The following CELF2 variants were observed in gnomAD, a reference collection of about 807,000 sequenced individuals.
The protein encoded by CELF2 is CUGBP Elav-like family member 2.
CELF2 carries 8 observed loss-of-function variants against 62.6 expected under a neutral mutation model. That is an observed-to-expected ratio of 0.13 (90% CI 0.07 to 0.23). The LOEUF (loss-of-function observed/expected upper bound fraction) is 0.23, where lower values mean the gene tolerates loss of function less well. Ranked by LOEUF, CELF2 falls within the 10% of genes least tolerant of loss-of-function variation. The probability of loss-of-function intolerance (pLI) is 1.00; values close to 1 mark genes in which losing one functional copy is unlikely to be tolerated. For missense variants in CELF2, 333 were observed against 671.0 expected (o/e 0.50, Z 5.56); for synonymous variants, 258 against 250.0 (o/e 1.03, Z -0.30).
the CELF2 span, among the ~76,000 whole-genome samples, chr10:10,471,402 G>A: frequency 6.6e-6 from 1 of 151,552 alleles, no homozygotes; most frequent in Admixed American, 6.6e-5. Flanking sequence ...TTTGTTCCAT[G>A]TATTTTGAAG....
intron 3 of CELF2, among the ~76,000 whole-genome samples, chr10:11,232,894 T>C (rs1322149315): frequency 6.6e-6 from 1 of 151,858 alleles, no homozygotes; most frequent in African/African-American, 2.4e-5. Context: ...CATCCCGGAG[T>C]CTTGTTTAGT....
intron 1 of CELF2, among the ~76,000 whole-genome samples, chr10:10,873,890 G>A (rs750833276): frequency 2.6e-5 from 4 of 152,228 alleles, no homozygotes; most frequent in South Asian, 2.1e-4. Context: ...AAGCTGATGC[G>A]GGCAGGTGGC....
At chr10:11,062,161 A>G (rs2066924373) in intron 1 of CELF2, among the ~76,000 whole-genome samples, 1 of 152,226 alleles carries the variant, frequency 6.6e-6, no homozygotes, top group African/African-American at 2.4e-5. Flanking sequence ...GGGGAAAAAA[A>G]AATTCCTTTC....
intron 1 of CELF2, among the ~76,000 whole-genome samples, chr10:10,829,496 G>T (rs1033925807): frequency 1.3e-5 from 2 of 152,050 alleles, no homozygotes; most frequent in Admixed American, 1.3e-4. Flanking sequence ...ATGACTTCCT[G>T]TAAATTTATG....
chr10:10,504,209 G>T, the CELF2 span, among the ~76,000 whole-genome samples: 1 of 151,850 alleles, frequency 6.6e-6, no homozygotes, highest in African/African-American at 2.4e-5. Context: ...TTCTTTCATG[G>T]TTTTTTTCCA....
chr10:11,172,617 G>T (rs929635922), intron 2 of CELF2, among the ~76,000 whole-genome samples: 2 of 152,160 alleles, frequency 1.3e-5, no homozygotes, highest in African/African-American at 4.8e-5. Flanking sequence ...CTATCAAAGG[G>T]CAGCGTCTGC....
the CELF2 span, among the ~76,000 whole-genome samples, chr10:10,573,108 T>C: frequency 4.6e-5 from 7 of 152,328 alleles, no homozygotes; most frequent in African/African-American, 1.4e-4. Context: ...TAATCAGTGT[T>C]GTTGAGCTTT....
At chr10:10,750,060 G>A in the CELF2 span, among the ~76,000 whole-genome samples, 5 of 152,202 alleles carry the variant, frequency 3.3e-5, no homozygotes, top group Non-Finnish European at 7.3e-5. Context: ...AAGGCGGGTG[G>A]ATCATGAGGT....
At chr10:10,879,933 A>G (rs1366055683) in intron 1 of CELF2, among the ~76,000 whole-genome samples, 1 of 152,200 alleles carries the variant, frequency 6.6e-6, no homozygotes, top group Non-Finnish European at 1.5e-5. Context: ...ATAAAACCTG[A>G]CATCTAACCT....
At chr10:10,629,622 T>C in the CELF2 span, among the ~76,000 whole-genome samples, 1 of 152,150 alleles carries the variant, frequency 6.6e-6, no homozygotes, top group Non-Finnish European at 1.5e-5. Flanking sequence ...CTTTTTGGGT[T>C]ACATAAACTG....
chr10:11,268,151 G>C lies in CELF2; in HGVS notation c.618+1474G>C, dbSNP rs1400162526. On this transcript the variant is annotated intron_variant, in intron 6 of 12. Coordinates refer to ENST00000633077, the MANE Select transcript of CELF2 (RefSeq NM_001326342.2). The surrounding 1 kb of genome is among the most constrained non-coding windows in gnomAD (Gnocchi z 4.7). ...TTACTGAGGCCGCTCCATTCCTGTG[G>C]ATTAGCCTGATTTCCAGCCACATTT... is the stretch of plus-strand genomic sequence containing the variant. Among the ~76,000 whole-genome samples the C allele has an allele frequency of 6.6e-6, 1 of 152,086 alleles. No individual in the cohort carries two copies. The highest frequency in any genetic ancestry group is 1.5e-5 in the Non-Finnish European group (1 of 67,998).
chr10:10,857,884 A>G (rs972733692), intron 1 of CELF2, among the ~76,000 whole-genome samples: 7 of 151,804 alleles, frequency 4.6e-5, no homozygotes, highest in Admixed American at 6.6e-5. Flanking sequence ...TAACAGAAAT[A>G]TAAAACACAA....
chr10:11,209,039 T>C (rs766342894), intron 2 of CELF2, among the ~76,000 whole-genome samples: 1 of 152,356 alleles, frequency 6.6e-6, no homozygotes, highest in Admixed American at 6.5e-5. Flanking sequence ...AACACAGATA[T>C]GTCTGATCTT....
At chr10:10,537,327 A>G in the CELF2 span, among the ~76,000 whole-genome samples, 2 of 152,170 alleles carry the variant, frequency 1.3e-5, no homozygotes, top group Admixed American at 1.3e-4. Flanking sequence ...AGGAATATTT[A>G]GAAAACTGGG....
chr10:10,586,408 G>A, the CELF2 span, among the ~76,000 whole-genome samples: 1 of 152,138 alleles, frequency 6.6e-6, no homozygotes, highest in Admixed American at 6.6e-5. Flanking sequence ...CAAGATGTTT[G>A]CATTTGCGTG....
chr10:10,971,413 C>T (rs1220748191), intron 2 of CELF2, among the ~76,000 whole-genome samples: 3 of 152,160 alleles, frequency 2.0e-5, no homozygotes, highest in African/African-American at 4.8e-5. Flanking sequence ...CGCTCACTTG[C>T]TTTTTCTATC....
intron 2 of CELF2, among the ~76,000 whole-genome samples, chr10:11,204,416 A>G (rs555970145): frequency 1.3e-5 from 2 of 152,346 alleles, no homozygotes; most frequent in South Asian, 2.1e-4. Flanking sequence ...AGAAAGGCTC[A>G]TGGAACTCCA....
chr10:11,051,896 T>G (rs2064000274), intron 1 of CELF2, among the ~76,000 whole-genome samples: 1 of 141,242 alleles, frequency 7.1e-6, no homozygotes. Context: ...TATGTATTGT[T>G]AATACTTTTT....
At chr10:11,086,610 A>AAAAAAAAT (rs1594927416) in intron 1 of CELF2, among the ~76,000 whole-genome samples, 1 of 134,412 alleles carries the variant, frequency 7.4e-6, no homozygotes, top group African/African-American at 2.9e-5. Flanking sequence ...AAAAAAAAAA[A>AAAAAAAAT]CTCCCGACAG....
Sources: allele counts gnomAD v4.1 joint callset (sites outside exome capture counted in the v4.1 genomes callset), GRCh38; gene constraint gnomAD v4.1.1; non-coding constraint Gnocchi (gnomAD v3.1); transcripts MANE v1.5; gene names NCBI Gene and HGNC (gene_info 2026-07-23, HGNC 2026-07-21).